DCLK1: variants seen among roughly 807,000 people sequenced by gnomAD.
DCLK1 encodes the protein doublecortin like kinase 1.
Under a neutral mutation model 86.2 loss-of-function variants are expected in DCLK1, and 16 were observed. The ratio of observed to expected loss-of-function variants is 0.19; its 90% confidence interval spans 0.13 to 0.28. The LOEUF is 0.28. Among genes scored for constraint, DCLK1 ranks in the 10% least tolerant of loss-of-function variants. DCLK1 has a pLI of 1.00. For missense variants in DCLK1, 590 were observed against 940.2 expected (o/e 0.63, Z 4.87); for synonymous variants, 369 against 370.5 (o/e 1.00, Z 0.05).
At chr13:35,966,718 C>A (rs1878759940) in intron 3 of DCLK1, among the ~76,000 whole-genome samples, 1 of 152,212 alleles carries the variant, frequency 6.6e-6, no homozygotes, top group Admixed American at 6.5e-5. Context: ...GTTGGCCGGG[C>A]TGGTCTCCAG....
intron 3 of DCLK1, among the ~76,000 whole-genome samples, chr13:36,108,079 A>AC (rs1205432281): frequency 2.5e-5 from 3 of 121,504 alleles, no homozygotes; most frequent in African/African-American, 3.7e-5. Context: ...CAGATTTAAA[A>AC]AAAAAAAAAA....
At chr13:36,079,267 G>C (rs1010085721) in intron 3 of DCLK1, among the ~76,000 whole-genome samples, 1 of 152,186 alleles carries the variant, frequency 6.6e-6, no homozygotes, top group African/African-American at 2.4e-5. Context: ...AAGATGAAAA[G>C]AAACTTGTGC....
intron 8 of DCLK1, 124 bp downstream of exon 8, chr13:35,835,909 G>T: frequency 1.4e-6 from 1 of 698,350 alleles, no homozygotes; most frequent in Non-Finnish European, 2.3e-6. Flanking sequence ...AAATTCTTTT[G>T]CATTTGGGGT....
chr13:35,902,963 AAAT>A (rs1465751113), intron 4 of DCLK1, among the ~76,000 whole-genome samples: 1 of 151,900 alleles, frequency 6.6e-6, no homozygotes, highest in East Asian at 1.9e-4. Context: ...ATAATAATTA[AAAT>A]AATTAAATAT....
At position 36,112,199 on chromosome 13, in the gene DCLK1, A is replaced by G. The variant is rs1885643169; in HGVS notation, c.393T>C (p.Cys131=). 1.3e-6 allele frequency: 2 copies of G among 1,587,186 alleles called. No individual in the cohort carries two copies. Among genetic ancestry groups the G allele is most frequent in the African/African-American group, 1.3e-5 (1 of 74,170 alleles). The change falls in exon 3 of 17, where the codon TGT becomes TGC. Residue 131 remains cysteine (C), a synonymous_variant. Coordinates refer to ENST00000360631, the MANE Select transcript of DCLK1 (RefSeq NM_001330071.2). The part of the protein sequence containing the change: ...DQLVEGESYV[C]GSIEPFKKLE... ...GTTTCTTGAAGGGCTCTATGGAGCC[A>G]CATACATAACTCTCTCCTAAGGAAG...
At chr13:36,077,460 T>C (rs908011757) in intron 3 of DCLK1, among the ~76,000 whole-genome samples, 2 of 152,060 alleles carry the variant, frequency 1.3e-5, no homozygotes, top group Non-Finnish European at 2.9e-5. Context: ...GTTAAGAGGG[T>C]ATTAAATACC....
At chr13:36,054,594 C>T (rs930938022) in intron 3 of DCLK1, among the ~76,000 whole-genome samples, 3 of 151,900 alleles carry the variant, frequency 2.0e-5, no homozygotes, top group Non-Finnish European at 4.4e-5. Context: ...CAGGTAGTCA[C>T]AAATGAACAA....
chr13:35,986,025 C>A (rs531112317), intron 3 of DCLK1, among the ~76,000 whole-genome samples: 1 of 152,028 alleles, frequency 6.6e-6, no homozygotes, highest in African/African-American at 2.4e-5. Context: ...CGATGAAGGT[C>A]GGGCACGGTG....
At chr13:35,909,595 A>ATG (rs1491373904) in intron 4 of DCLK1, among the ~76,000 whole-genome samples, 1 of 102,886 alleles carries the variant, frequency 9.7e-6, no homozygotes, top group Admixed American at 1.0e-4. Flanking sequence ...TGCTGTGTGC[A>ATG]TATGTGTGTG....
chr13:35,774,945 C>T (rs943098880), intron 16 of DCLK1, among the ~76,000 whole-genome samples: 4 of 152,052 alleles, frequency 2.6e-5, no homozygotes, highest in African/African-American at 9.7e-5. Context: ...CTGGGTTTGA[C>T]CCTTCCCCAC....
chr13:35,950,014 C>G (rs961715888), intron 3 of DCLK1, among the ~76,000 whole-genome samples: 1 of 152,220 alleles, frequency 6.6e-6, no homozygotes, highest in Admixed American at 6.5e-5. Flanking sequence ...TTACCTCTCA[C>G]TTTTCAGTGA....
intron 4 of DCLK1, among the ~76,000 whole-genome samples, chr13:35,920,190 C>T (rs1323143004): frequency 6.6e-6 from 1 of 152,176 alleles, no homozygotes; most frequent in East Asian, 1.9e-4. Context: ...GCAACTATGT[C>T]CACATCTTCA....
intron 3 of DCLK1, among the ~76,000 whole-genome samples, chr13:36,104,369 C>T (rs1032195344): frequency 6.6e-6 from 1 of 152,176 alleles, no homozygotes. Flanking sequence ...TAGCCTCATC[C>T]TATAAAATCG....
intron 3 of DCLK1, among the ~76,000 whole-genome samples, chr13:36,108,607 T>C (rs552577223): frequency 1.3e-3 from 197 of 152,346 alleles, no homozygotes; most frequent in African/African-American, 4.2e-3. Flanking sequence ...ACAGTTTTCA[T>C]GCCATGGATA....
chr13:35,811,096 AAGAATGG>A (rs2153102994), intron 11 of DCLK1, 128 bp from the exon 12 acceptor site: 1 of 1,130,780 alleles, frequency 8.8e-7, no homozygotes, highest in Non-Finnish European at 1.3e-6. Context: ...GCAATTATGC[AAGAATGG>A]ATATACATAC....
chr13:35,914,169 A>G (rs1875223925), intron 4 of DCLK1, among the ~76,000 whole-genome samples: 1 of 151,456 alleles, frequency 6.6e-6, no homozygotes, highest in Admixed American at 6.6e-5. Context: ...AAATACAAAT[A>G]TTAGCTGTGT....
At chr13:36,028,871 A>T (rs1369670788) in intron 3 of DCLK1, among the ~76,000 whole-genome samples, 1 of 152,246 alleles carries the variant, frequency 6.6e-6, no homozygotes, top group African/African-American at 2.4e-5. Context: ...ATGACATTTT[A>T]TAGATGACAT....
chr13:35,774,302 G>A lies in DCLK1; in HGVS notation c.*233C>T. 1.9e-6 allele frequency: 1 copy of A among 514,996 alleles called. No individual in the cohort carries two copies. Among genetic ancestry groups the A allele is most frequent in the South Asian group, 3.5e-5 (1 of 28,818 alleles). 31.9% of individuals were successfully genotyped at this position (514,996 alleles called of 1,614,324 possible). ...AAGTTTAAAAAAAAATTGCAAATTG[G>A]CCTTAACCCTTTGAGGACTCTATTA... On this transcript the variant is annotated 3_prime_UTR_variant, in exon 17 of 17. Transcript: ENST00000360631.
intron 5 of DCLK1, among the ~76,000 whole-genome samples, chr13:35,867,175 T>A (rs1237303358): frequency 1.3e-5 from 2 of 152,168 alleles, no homozygotes; most frequent in Admixed American, 1.3e-4. Flanking sequence ...TGGTAGCAAG[T>A]CAGAATCAAG....
Sources: gnomAD v4.1 joint callset for allele counts (sites outside exome capture counted in the v4.1 genomes callset) on GRCh38, gnomAD v4.1.1 for gene constraint, MANE v1.5 for transcripts, NCBI Gene and HGNC (gene_info 2026-07-23, HGNC 2026-07-21) for gene names.